LIMS1: variants seen among roughly 807,000 people sequenced by gnomAD.
LIMS1 encodes the protein LIM zinc finger domain containing 1.
LIMS1 carries 18 observed loss-of-function variants against 44.1 expected under a neutral mutation model. That is an observed-to-expected ratio of 0.41 (90% CI 0.28 to 0.61). The LOEUF is 0.61. Among genes scored for constraint, LIMS1 ranks in the 20% least tolerant of loss-of-function variants. The probability of loss-of-function intolerance (pLI) is 0.32; values close to 1 mark genes in which losing one functional copy is unlikely to be tolerated. For missense variants in LIMS1, 201 were observed against 422.0 expected (o/e 0.48, Z 4.59); for synonymous variants, 93 against 149.1 (o/e 0.62, Z 2.74).
intron 1 of LIMS1, among the ~76,000 whole-genome samples, chr2:108,634,693 G>A (rs903833944): frequency 3.3e-5 from 5 of 152,142 alleles, no homozygotes; most frequent in Admixed American, 6.6e-5. Flanking sequence ...GAAAACAGGC[G>A]GCTGCTTCAT....
exon 10 of LIMS1, chr2:108,686,660 C>T (rs1264830671): frequency 6.6e-6 from 1 of 151,856 alleles, no homozygotes. Flanking sequence ...CTTGTAGTCC[C>T]AGCTACTCGG....
At chr2:108,620,133 A>G (rs925413814) in intron 1 of LIMS1, among the ~76,000 whole-genome samples, 3 of 152,196 alleles carry the variant, frequency 2.0e-5, no homozygotes, top group Non-Finnish European at 4.4e-5. Flanking sequence ...GGGAACTAGC[A>G]TCTGTGTCCT....
At chr2:108,660,894 TATATG>T (rs1345055200) in intron 2 of LIMS1, among the ~76,000 whole-genome samples, 1 of 149,096 alleles carries the variant, frequency 6.7e-6, no homozygotes, top group African/African-American at 2.5e-5. Context: ...TGCACATCTA[TATATG>T]ATAATATATG....
At chr2:108,568,658 A>G (rs1685378376) in intron 1 of LIMS1, among the ~76,000 whole-genome samples, 1 of 152,090 alleles carries the variant, frequency 6.6e-6, no homozygotes, top group African/African-American at 2.4e-5. Context: ...AAAGGTTCCA[A>G]TTTCTCCACA....
intron 5 of LIMS1, 184 bp downstream of exon 5, chr2:108,673,213 C>T: frequency 2.2e-6 from 2 of 899,786 alleles, no homozygotes; most frequent in South Asian, 1.8e-5. Context: ...TTTCGTTTCA[C>T]CAGTTGACAT....
chr2:108,569,206 A>G (rs1685400242), intron 1 of LIMS1, among the ~76,000 whole-genome samples: 1 of 152,118 alleles, frequency 6.6e-6, no homozygotes, highest in African/African-American at 2.4e-5. Context: ...GTTGTTCTTC[A>G]GGTACAGCAG....
At chr2:108,604,003 A>G (rs1404144194) in intron 1 of LIMS1, among the ~76,000 whole-genome samples, 5 of 152,104 alleles carry the variant, frequency 3.3e-5, no homozygotes, top group South Asian at 2.1e-4. Context: ...TGCTTTCCCT[A>G]TATCTCATAG....
At chr2:108,632,496 A>T (rs1211136117) in intron 1 of LIMS1, among the ~76,000 whole-genome samples, 1 of 152,196 alleles carries the variant, frequency 6.6e-6, no homozygotes, top group Non-Finnish European at 1.5e-5. Flanking sequence ...AGTGTGATGA[A>T]CAGTGAAGGA....
chr2:108,535,236 A>T (rs1171291215), intron 1 of LIMS1, among the ~76,000 whole-genome samples: 2 of 152,214 alleles, frequency 1.3e-5, no homozygotes, highest in African/African-American at 4.8e-5. Flanking sequence ...AGAAAATCTG[A>T]TCTTACACAG....
In LIMS1 at chr2:108,588,480, A is replaced by C. The variant is rs563083269; in HGVS notation, c.32+53886A>C. The C allele has an allele frequency of 4.0e-5, 39 of 985,666 alleles. 2 individuals carry two copies. The African/African-American group carries it at 6.6e-4, about 17-fold the overall frequency. 61.1% of individuals were successfully genotyped at this position (985,666 alleles called of 1,614,324 possible). ...GGAGGTTCTTTACTCTTGAATTAAGAGAAGGGGAGCTGGAGGTGGCTCAGG... is the reference window on the plus strand; with the variant it reads ...GGAGGTTCTTTACTCTTGAATTAAGCGAAGGGGAGCTGGAGGTGGCTCAGG... On this transcript the variant is annotated intron_variant, in intron 1 of 9. Coordinates refer to ENST00000544547, the Ensembl canonical transcript of LIMS1.
rs549313407 is a variant in LIMS1, at chr2:108,593,808, G to A, written c.32+59214G>A. On this transcript the variant is annotated intron_variant, in intron 1 of 9. Transcript: ENST00000544547. Reference sequence around the variant, plus strand: ...AGATGTGATTTCTTAGTCATAAAAGGTACTTTTCATTCCTGTAATCCTGAT... The same window carrying A: ...AGATGTGATTTCTTAGTCATAAAAGATACTTTTCATTCCTGTAATCCTGAT... Among the ~76,000 whole-genome samples, 3 of 152,250 alleles carry A rather than the reference G, an allele frequency of 2.0e-5. No individual in the cohort carries two copies. In the East Asian group the frequency reaches 5.8e-4, roughly 29 times the overall value.
At chr2:108,571,738 A>C (rs1402942391) in intron 1 of LIMS1, among the ~76,000 whole-genome samples, 2 of 152,242 alleles carry the variant, frequency 1.3e-5, no homozygotes, top group African/African-American at 2.4e-5. Context: ...TTCGTTGAAG[A>C]CTATCACTTT....
chr2:108,606,190 A>G (rs920232032), intron 1 of LIMS1, among the ~76,000 whole-genome samples: 1 of 152,264 alleles, frequency 6.6e-6, no homozygotes, highest in Non-Finnish European at 1.5e-5. Flanking sequence ...CACATTACTT[A>G]TGAAAGCTAG....
At chr2:108,677,790 A>G (rs2438723) in intron 7 of LIMS1, among the ~76,000 whole-genome samples, 189 bp from the exon 8 acceptor site, 1 of 152,232 alleles carries the variant, frequency 6.6e-6, no homozygotes, top group Non-Finnish European at 1.5e-5. Context: ...TGTCATCTGG[A>G]AAGTTTTTCT....
At chr2:108,671,371 A>AT (rs1692150371) in intron 3 of LIMS1, among the ~76,000 whole-genome samples, 1 of 152,080 alleles carries the variant, frequency 6.6e-6, no homozygotes, top group Admixed American at 6.6e-5. Context: ...AGGTAGAGGT[A>AT]TTTTGGGATG....
At chr2:108,540,859 GT>G (rs1182297798) in intron 1 of LIMS1, among the ~76,000 whole-genome samples, 1 of 152,148 alleles carries the variant, frequency 6.6e-6, no homozygotes, top group African/African-American at 2.4e-5. Context: ...TATTACGTTG[GT>G]TTGCTCTGTT....
At chr2:108,568,951 G>A (rs1394351594) in intron 1 of LIMS1, among the ~76,000 whole-genome samples, 2 of 151,980 alleles carry the variant, frequency 1.3e-5, no homozygotes, top group African/African-American at 2.4e-5. Flanking sequence ...GAGTGCAGTG[G>A]CACAATCTCA....
intron 1 of LIMS1, among the ~76,000 whole-genome samples, chr2:108,596,615 G>A (rs1474132707): frequency 6.6e-6 from 1 of 152,302 alleles, no homozygotes; most frequent in Non-Finnish European, 1.5e-5. Context: ...CCTGAGGTCA[G>A]GAGTTTGAGA....
intron 1 of LIMS1, among the ~76,000 whole-genome samples, chr2:108,640,198 G>A (rs1168808696): frequency 6.6e-6 from 1 of 152,172 alleles, no homozygotes; most frequent in African/African-American, 2.4e-5. Flanking sequence ...ATGGAGAAAG[G>A]AGAGAGTGCT....
Sources: allele counts gnomAD v4.1 joint callset (sites outside exome capture counted in the v4.1 genomes callset), GRCh38; gene constraint gnomAD v4.1.1; transcripts MANE v1.5; gene names NCBI Gene and HGNC (gene_info 2026-07-23, HGNC 2026-07-21).